RAPGEF2: variants seen among roughly 807,000 people sequenced by gnomAD.
RAPGEF2 encodes the protein PDZ domain containing guanine nucleotide exchange factor (GEF) 1.
A neutral mutation model predicts 186.7 loss-of-function variants in RAPGEF2; 54 were observed. The observed-to-expected ratio is 0.29, with a 90% CI of 0.23 to 0.36. The LOEUF (loss-of-function observed/expected upper bound fraction) is 0.36, where lower values mean the gene tolerates loss of function less well. Ranked by LOEUF, RAPGEF2 falls within the 10% of genes least tolerant of loss-of-function variation. The pLI, the probability that RAPGEF2 is intolerant of heterozygous loss-of-function variation, is 1.00. For synonymous variants in RAPGEF2, 712 were observed against 705.9 expected (o/e 1.01, Z -0.14); for missense variants, 1,532 against 2,045.0 (o/e 0.75, Z 4.84).
At chr4:159,188,282 G>A (rs2111299530) in intron 2 of RAPGEF2, among the ~76,000 whole-genome samples, 1 of 152,222 alleles carries the variant, frequency 6.6e-6, no homozygotes, top group East Asian at 1.9e-4. Flanking sequence ...TAGATATATT[G>A]ATTATATAAT....
intron 1 of RAPGEF2, among the ~76,000 whole-genome samples, chr4:159,132,035 C>T (rs10003940): frequency 0.63 from 95,408 of 151,946 alleles, 30,762 homozygotes; most frequent in African/African-American, 0.78. Flanking sequence ...AAAATATTCC[C>T]GGTGTTTTTG....
rs538138026 is a variant in RAPGEF2 at position 159,345,586 on chromosome 4, C to G, written c.3502+257C>G. Among the ~76,000 whole-genome samples, 7 of 152,346 alleles carry G rather than the reference C, an allele frequency of 4.6e-5. No homozygotes were observed. The South Asian group carries it at 1.5e-3, about 32-fold the overall frequency. On this transcript the variant is annotated intron_variant, in intron 24 of 29. Coordinates refer to ENST00000691494, the MANE Select transcript of RAPGEF2 (RefSeq NM_001394067.2). ...AGGCAACCCATTACTTTAGTTTCACCTGGACACAACCAGTACACATGCAAC... is the reference window on the plus strand; with the variant it reads ...AGGCAACCCATTACTTTAGTTTCACGTGGACACAACCAGTACACATGCAAC...
At chr4:159,205,718 T>A (rs1749900778) in intron 3 of RAPGEF2, among the ~76,000 whole-genome samples, 1 of 152,142 alleles carries the variant, frequency 6.6e-6, no homozygotes. Context: ...TAAAACATGC[T>A]TGCTTCCCCT....
intron 1 of RAPGEF2, among the ~76,000 whole-genome samples, chr4:159,135,393 T>C (rs1159594329): frequency 9.2e-5 from 14 of 152,070 alleles, no homozygotes; most frequent in African/African-American, 3.1e-4. Context: ...ATATAGATAA[T>C]ACTATGTTTT....
At chr4:159,156,366 C>T (rs372565036) in intron 1 of RAPGEF2, among the ~76,000 whole-genome samples, 1 of 152,024 alleles carries the variant, frequency 6.6e-6, no homozygotes, top group South Asian at 2.1e-4. Context: ...TATAACACAA[C>T]TAAAAAAAGA....
At chr4:159,202,577 C>G (rs1250950740) in intron 3 of RAPGEF2, among the ~76,000 whole-genome samples, 1 of 152,100 alleles carries the variant, frequency 6.6e-6, no homozygotes, top group Non-Finnish European at 1.5e-5. Context: ...TCTTTTCTCT[C>G]CTTGTCAGTC....
At chr4:159,335,270 T>C (rs988444302) in intron 17 of RAPGEF2, among the ~76,000 whole-genome samples, 3 of 152,056 alleles carry the variant, frequency 2.0e-5, no homozygotes, top group African/African-American at 7.2e-5. Flanking sequence ...GCCAAGTAAG[T>C]AGAAAAAGAC....
At chr4:159,195,875 GTTTTTTTTTTTTTTTTT>G (rs34827512) in intron 3 of RAPGEF2, among the ~76,000 whole-genome samples, 1 of 94,208 alleles carries the variant, frequency 1.1e-5, no homozygotes, top group African/African-American at 3.9e-5. Context: ...AAACATACCT[GTTTTTTTTTTTTTTTTT>G]TTTTTTTTTT....
rs777709800 is a variant in RAPGEF2, at chr4:159,314,765, A to G, written c.850A>G (p.Ile284Val). ...CCCAATTGACCGGACAGATGATGACATTGGTAAGCTTGAACAGGAAAATGA... is the reference window on the plus strand; with the variant it reads ...CCCAATTGACCGGACAGATGATGACGTTGGTAAGCTTGAACAGGAAAATGA... ...KDPIDRTDDDIEQLLEFMHQL... is the reference protein window; with the variant it reads ...KDPIDRTDDDVEQLLEFMHQL... The change falls in exon 9 of 30, where the codon ATT (isoleucine) becomes GTT (valine). Residue 284 changes from isoleucine (I) to valine (V), a missense_variant. Around this residue, in one of 4 missense-constraint regions of RAPGEF2, gnomAD observed 810 missense variants for 1,210.5 expected, o/e 0.67. Coordinates refer to ENST00000691494, the MANE Select transcript of RAPGEF2 (RefSeq NM_001394067.2). The G allele has an allele frequency of 1.3e-6, 2 of 1,592,238 alleles. No homozygotes were observed. The highest frequency in any genetic ancestry group is 1.7e-6 in the Non-Finnish European group (2 of 1,172,842).
At chr4:159,239,696 A>G (rs2111469432) in intron 5 of RAPGEF2, among the ~76,000 whole-genome samples, 1 of 152,322 alleles carries the variant, frequency 6.6e-6, no homozygotes, top group East Asian at 1.9e-4. Flanking sequence ...TTTAGTAACA[A>G]AAATAAGATG....
intron 7 of RAPGEF2, among the ~76,000 whole-genome samples, chr4:159,244,979 A>G (rs1429948528): frequency 6.6e-6 from 1 of 151,998 alleles, no homozygotes; most frequent in Non-Finnish European, 1.5e-5. Context: ...CTTTTCTCTG[A>G]AAAGAGTACA....
chr4:159,353,969 T>C lies in RAPGEF2; in HGVS notation c.4574T>C (p.Val1525Ala). The C allele has an allele frequency of 1.2e-6, 2 of 1,613,804 alleles. No individual in the cohort carries two copies. Among genetic ancestry groups the C allele is most frequent in the Non-Finnish European group, 1.7e-6 (2 of 1,180,000 alleles). ...IEAESSSLTS[V>A]TTEETKPVPM... The stretch of plus-strand genomic sequence containing the variant: ...GCCGAAAGCAGTAGCCTAACGTCTG[T>C]GACTACGGAAGAAACCAAGCCTGTC... Residue 1525 changes from valine (V) to alanine (A), a missense_variant, in exon 28 of 30, where the codon GTG becomes GCG. Coordinates refer to ENST00000691494, the MANE Select transcript of RAPGEF2 (RefSeq NM_001394067.2). The surrounding 1 kb of genome is among the most constrained non-coding windows in gnomAD (Gnocchi z 4.3).
chr4:159,142,776 C>T (rs1742495291), intron 1 of RAPGEF2, among the ~76,000 whole-genome samples: 1 of 152,038 alleles, frequency 6.6e-6, no homozygotes, highest in African/African-American at 2.4e-5. Context: ...TGGATAGTTT[C>T]TGTGTGCCAG....
At chr4:159,314,549 T>G in intron 8 of RAPGEF2, 42 bp from the exon 9 acceptor site, 2 of 1,525,224 alleles carry the variant, frequency 1.3e-6, no homozygotes, top group Non-Finnish European at 1.8e-6. Context: ...CAAAGATTTA[T>G]TTACTTAAAA....
intron 1 of RAPGEF2, among the ~76,000 whole-genome samples, chr4:159,108,116 T>G (rs1738077110): frequency 6.6e-6 from 1 of 152,234 alleles, no homozygotes; most frequent in Non-Finnish European, 1.5e-5. Flanking sequence ...AACTGAAATA[T>G]TAGCTTCAAA....
chr4:159,290,148 G>T (rs947191388), intron 7 of RAPGEF2, among the ~76,000 whole-genome samples: 1 of 152,196 alleles, frequency 6.6e-6, no homozygotes, highest in Admixed American at 6.5e-5. Context: ...TGGTAGTACA[G>T]TGGCACCACA....
At chr4:159,283,171 A>G (rs776718822) in intron 7 of RAPGEF2, among the ~76,000 whole-genome samples, 2 of 152,204 alleles carry the variant, frequency 1.3e-5, no homozygotes, top group Non-Finnish European at 2.9e-5. Context: ...CAAAAGAGAT[A>G]ATACCTTTGG....
At position 159,186,623 on chromosome 4, in the gene RAPGEF2, A is replaced by C; in HGVS notation, c.70-19A>C. The C allele has an allele frequency of 2.2e-6, 3 of 1,336,754 alleles. No individual in the cohort carries two copies. Among genetic ancestry groups the C allele is most frequent in the Non-Finnish European group, 2.0e-6 (2 of 996,262 alleles). The allele number at this position is 1,336,754 out of a possible 1,614,324, so 82.8% of individuals were successfully genotyped here. On this transcript the variant is annotated intron_variant, in intron 1 of 29. Transcript: ENST00000691494. The stretch of plus-strand genomic sequence containing the variant: ...TTTCCTGACAGGTCTAATAATTTCT[A>C]TTCTTTTCTTTGAAACAGGATCTGG...
At chr4:159,218,534 TC>T in intron 4 of RAPGEF2, among the ~76,000 whole-genome samples, 1 of 152,132 alleles carries the variant, frequency 6.6e-6, no homozygotes, top group Non-Finnish European at 1.5e-5. Flanking sequence ...GGCAGGCAGA[TC>T]ACCTGAGGTC....
Sources: allele counts gnomAD v4.1 joint callset (sites outside exome capture counted in the v4.1 genomes callset), GRCh38; gene constraint gnomAD v4.1.1; regional missense constraint gnomAD v4.1.1; non-coding constraint Gnocchi (gnomAD v3.1); transcripts MANE v1.5; gene names NCBI Gene and HGNC (gene_info 2026-07-23, HGNC 2026-07-21).